The following TBC1D9 variants were observed in gnomAD, a reference collection of about 807,000 sequenced individuals.
TBC1D9 encodes TBC1 domain family member 9.
A neutral mutation model predicts 132.0 loss-of-function variants in TBC1D9; 63 were observed. That is an observed-to-expected ratio of 0.48 (90% confidence interval 0.39 to 0.59). The LOEUF is 0.59. Ranked by LOEUF, TBC1D9 falls within the 20% of genes least tolerant of loss-of-function variation. TBC1D9 has a pLI of 0.00. For synonymous variants in TBC1D9, 610 were observed against 609.9 expected, an observed-to-expected ratio of 1.00 and a Z score of 0.00; for missense variants, 1,261 against 1,592.7, an observed-to-expected ratio of 0.79 and a Z score of 3.54.
intron 15 of TBC1D9, among the ~76,000 whole-genome samples, chr4:140,635,571 T>C (rs544623620): frequency 6.6e-6 from 1 of 152,298 alleles, no homozygotes; most frequent in East Asian, 1.9e-4. Context: ...GGAGAGTCAA[T>C]TGTGAGTATG....
At chr4:140,744,920 C>T (rs1190890770) in intron 1 of TBC1D9, among the ~76,000 whole-genome samples, 1 of 145,742 alleles carries the variant, frequency 6.9e-6, no homozygotes, top group Admixed American at 6.9e-5. Context: ...TCAGTCTTCA[C>T]AACCCCTTAC....
At chr4:140,632,662 T>C (rs1736816608) in intron 16 of TBC1D9, among the ~76,000 whole-genome samples, 1 of 152,132 alleles carries the variant, frequency 6.6e-6, no homozygotes, top group Admixed American at 6.5e-5. Context: ...TAGCTAAATA[T>C]GGAGATAATA....
intron 4 of TBC1D9, 128 bp downstream of exon 4, chr4:140,679,487 A>G: frequency 1.5e-6 from 1 of 673,440 alleles, no homozygotes; most frequent in Admixed American, 3.3e-5. Context: ...CTTCAGTAGT[A>G]AAAAAAAATT....
chr4:140,674,676 AAT>A (rs137879044), intron 6 of TBC1D9, among the ~76,000 whole-genome samples: 7 of 142,004 alleles, frequency 4.9e-5, no homozygotes, highest in Admixed American at 1.4e-4. Context: ...ATTGTAGAAG[AAT>A]ATATATATAT....
intron 2 of TBC1D9, among the ~76,000 whole-genome samples, chr4:140,695,767 C>T (rs2111034174): frequency 6.6e-6 from 1 of 152,290 alleles, no homozygotes; most frequent in South Asian, 2.1e-4. Flanking sequence ...TCTCTGCTGC[C>T]TCTGGAACAC....
At chr4:140,738,217 A>C (rs1738705813) in intron 1 of TBC1D9, among the ~76,000 whole-genome samples, 2 of 152,206 alleles carry the variant, frequency 1.3e-5, no homozygotes, top group African/African-American at 4.8e-5. Context: ...CTATGCTGAA[A>C]GGGAGAAGTT....
intron 1 of TBC1D9, among the ~76,000 whole-genome samples, chr4:140,707,227 T>C (rs559524432): frequency 7.9e-4 from 120 of 152,332 alleles, no homozygotes; most frequent in South Asian, 3.3e-3. Context: ...TTCTTGTTTA[T>C]TGGCCATTCC....
At chr4:140,754,455 T>C (rs999764412) in intron 1 of TBC1D9, among the ~76,000 whole-genome samples, 1 of 150,452 alleles carries the variant, frequency 6.6e-6, no homozygotes, top group East Asian at 1.9e-4. Flanking sequence ...CTATTAAAAA[T>C]ACAAAAAAAA....
chr4:140,733,122 C>T (rs1271637694), intron 1 of TBC1D9, among the ~76,000 whole-genome samples: 2 of 152,116 alleles, frequency 1.3e-5, no homozygotes, highest in African/African-American at 4.8e-5. Context: ...GCTGTATCTC[C>T]ATCCATGGTG....
At chr4:140,639,038 G>T in intron 15 of TBC1D9, 48 bp downstream of exon 15, 2 of 1,325,200 alleles carry the variant, frequency 1.5e-6, no homozygotes, top group South Asian at 1.4e-5. Flanking sequence ...TTATTAAGGT[G>T]AACTCCTTTA....
intron 18 of TBC1D9, 44 bp downstream of exon 18, chr4:140,627,397 G>C (rs371115128): frequency 1.6e-6 from 2 of 1,255,284 alleles, no homozygotes; most frequent in East Asian, 2.4e-5. Context: ...TGGAGGGCTC[G>C]GTAGAAAACA....
chr4:140,650,432 A>C (rs1010877384), intron 13 of TBC1D9, among the ~76,000 whole-genome samples: 7 of 152,116 alleles, frequency 4.6e-5, no homozygotes, highest in Admixed American at 1.3e-4. Flanking sequence ...CCAGAAGCCC[A>C]CCCTTTCCTA....
intron 1 of TBC1D9, among the ~76,000 whole-genome samples, chr4:140,714,183 CAA>C: frequency 6.6e-6 from 1 of 151,938 alleles, no homozygotes; most frequent in East Asian, 1.9e-4. Flanking sequence ...CCCTTGTTGG[CAA>C]AAAAGAGTCA....
chr4:140,628,252 C>T (rs1195538100), intron 17 of TBC1D9, 48 bp downstream of exon 17: 14 of 1,578,146 alleles, frequency 8.9e-6, no homozygotes, highest in Non-Finnish European at 1.2e-5. Context: ...AGACTTCAAG[C>T]CAGGTCATGG....
chr4:140,683,716 T>C (rs1426058486), intron 3 of TBC1D9, among the ~76,000 whole-genome samples: 1 of 152,248 alleles, frequency 6.6e-6, no homozygotes, highest in African/African-American at 2.4e-5. Context: ...ACCTATTATA[T>C]TTGAAAAATA....
intron 13 of TBC1D9, among the ~76,000 whole-genome samples, chr4:140,652,063 A>G (rs940017078): frequency 6.6e-5 from 10 of 152,066 alleles, no homozygotes; most frequent in Non-Finnish European, 1.3e-4. Context: ...ACTTGGTGAA[A>G]CCCCATCTCT....
intron 13 of TBC1D9, among the ~76,000 whole-genome samples, chr4:140,653,331 T>C (rs1293594529): frequency 6.6e-6 from 1 of 152,218 alleles, no homozygotes; most frequent in Non-Finnish European, 1.5e-5. Flanking sequence ...CAGAAAGAAA[T>C]GCATTGTGTA....
chr4:140,643,301 C>T, intron 13 of TBC1D9: 6 of 1,320,252 alleles, frequency 4.5e-6, no homozygotes, highest in Non-Finnish European at 5.3e-6. Context: ...AGCTCTGCTC[C>T]AAGACAAGGC....
chr4:140,739,638 T>C (rs1332843766), intron 1 of TBC1D9, among the ~76,000 whole-genome samples: 3 of 152,234 alleles, frequency 2.0e-5, no homozygotes, highest in Non-Finnish European at 4.4e-5. Flanking sequence ...ATATATTGTC[T>C]ATGCTAATTA....
Sources: allele counts gnomAD v4.1 joint callset (sites outside exome capture counted in the v4.1 genomes callset), GRCh38; gene constraint gnomAD v4.1.1; transcripts MANE v1.5; gene names NCBI Gene and HGNC (gene_info 2026-07-23, HGNC 2026-07-21).